SPEF2: variants seen among roughly 807,000 people sequenced by gnomAD.
SPEF2 encodes the protein sperm flagellar and cilia associated 2, also known as sperm flagella and cilia-associated protein 2.
In SPEF2, 187 loss-of-function variants were observed where a neutral mutation model predicts 224.6. That is an observed-to-expected ratio of 0.83 (90% CI 0.74 to 0.94). SPEF2 has a LOEUF of 0.94. Ranked by LOEUF, SPEF2 falls within the 40% of genes least tolerant of loss-of-function variation. The pLI, the probability that SPEF2 is intolerant of heterozygous loss-of-function variation, is 0.00. For missense variants in SPEF2, 2,170 were observed against 2,135.6 expected (o/e 1.02, Z -0.32); for synonymous variants, 715 against 707.3 (o/e 1.01, Z -0.17).
intron 5 of SPEF2, among the ~76,000 whole-genome samples, chr5:35,648,604 G>A (rs1166138836): frequency 6.6e-6 from 1 of 152,072 alleles, no homozygotes; most frequent in African/African-American, 2.4e-5. Context: ...GGGATTACAG[G>A]TGTGAGCCAC....
intron 20 of SPEF2, among the ~76,000 whole-genome samples, chr5:35,714,314 C>T (rs1561248511): frequency 6.6e-6 from 1 of 151,408 alleles, no homozygotes; most frequent in Non-Finnish European, 1.5e-5. Context: ...TTCCCCACCC[C>T]CAACCCCACT....
chr5:35,760,911 ATAAAG>A (rs796989748), intron 25 of SPEF2, among the ~76,000 whole-genome samples: 2 of 152,224 alleles, frequency 1.3e-5, no homozygotes, highest in Non-Finnish European at 2.9e-5. Flanking sequence ...TTTGAACTAA[ATAAAG>A]TATAGTGAAG....
chr5:35,666,886 T>A (rs1436282779), intron 8 of SPEF2, among the ~76,000 whole-genome samples, 186 bp from the exon 9 acceptor site: 1 of 152,224 alleles, frequency 6.6e-6, no homozygotes, highest in African/African-American at 2.4e-5. Flanking sequence ...GAGTAGGATA[T>A]TTCCAATATT....
At chr5:35,811,894 C>T (rs1397847075) in intron 36 of SPEF2, among the ~76,000 whole-genome samples, 1 of 151,230 alleles carries the variant, frequency 6.6e-6, no homozygotes, top group East Asian at 1.9e-4. Context: ...ACGCCATTCT[C>T]CTGCCTCAGC....
intron 6 of SPEF2, among the ~76,000 whole-genome samples, chr5:35,649,748 C>T (rs916452411): frequency 4.6e-5 from 7 of 152,196 alleles, no homozygotes; most frequent in Non-Finnish European, 1.0e-4. Context: ...AAATTTGTCA[C>T]AGTAAATCCT....
intron 26 of SPEF2, among the ~76,000 whole-genome samples, chr5:35,770,614 G>A (rs1460447258): frequency 1.3e-5 from 2 of 151,834 alleles, no homozygotes; most frequent in African/African-American, 4.9e-5. Flanking sequence ...TGCAGTATTT[G>A]CCTTTCTGTG....
At chr5:35,807,817 G>A in intron 36 of SPEF2, 1 of 1,532,848 alleles carries the variant, frequency 6.5e-7, no homozygotes, top group Non-Finnish European at 8.7e-7. Flanking sequence ...AAGCAGGTCT[G>A]GACCACACAT....
At chr5:35,659,267 C>A in intron 8 of SPEF2, 60 bp downstream of exon 8, 2 of 1,464,430 alleles carry the variant, frequency 1.4e-6, no homozygotes, top group South Asian at 2.8e-5. Flanking sequence ...TCTACCAAGT[C>A]GTGGTAAACA....
intron 33 of SPEF2, among the ~76,000 whole-genome samples, chr5:35,799,250 T>C (rs555347218): frequency 6.6e-6 from 1 of 152,230 alleles, no homozygotes; most frequent in East Asian, 1.9e-4. Flanking sequence ...ACAGGGCTGC[T>C]TATGTGCCTG....
chr5:35,780,490 C>T (rs930381340), intron 30 of SPEF2, among the ~76,000 whole-genome samples: 34 of 152,164 alleles, frequency 2.2e-4, no homozygotes, highest in African/African-American at 7.9e-4. Flanking sequence ...ACGGAGGTGC[C>T]ATTTGGCAGC....
intron 34 of SPEF2, among the ~76,000 whole-genome samples, chr5:35,800,504 G>A (rs1410502364): frequency 6.6e-6 from 1 of 152,176 alleles, no homozygotes; most frequent in Admixed American, 6.5e-5. Context: ...AACTGTAGAT[G>A]AAACAAGTTC....
chr5:35,634,984 C>T (rs1442380032), intron 2 of SPEF2, among the ~76,000 whole-genome samples: 1 of 151,944 alleles, frequency 6.6e-6, no homozygotes, highest in African/African-American at 2.4e-5. Context: ...CTCACACAGA[C>T]TTTTCTTATT....
chr5:35,681,618 G>T (rs1486068936), intron 10 of SPEF2, among the ~76,000 whole-genome samples: 3 of 152,028 alleles, frequency 2.0e-5, no homozygotes, highest in African/African-American at 7.2e-5. Context: ...TTTTAAAAAA[G>T]GACAAAATAA....
At chr5:35,718,164 T>TA (rs1348533788) in intron 20 of SPEF2, among the ~76,000 whole-genome samples, 2 of 152,160 alleles carry the variant, frequency 1.3e-5, no homozygotes, top group African/African-American at 2.4e-5. Flanking sequence ...CCCAACTGGT[T>TA]AAAAAAACTC....
At chr5:35,698,503 T>C (rs959942970) in intron 15 of SPEF2, 1 of 152,202 alleles carries the variant, frequency 6.6e-6, no homozygotes, top group Non-Finnish European at 1.5e-5. Flanking sequence ...ATGGGATTCT[T>C]TGCTTCTGCT....
At chr5:35,799,107 C>G (rs1183899628) in intron 33 of SPEF2, among the ~76,000 whole-genome samples, 1 of 152,190 alleles carries the variant, frequency 6.6e-6, no homozygotes, top group Non-Finnish European at 1.5e-5. Context: ...TTAAAAGTAC[C>G]TGGAACCTTG....
chr5:35,708,998 C>T lies in SPEF2; in HGVS notation c.2716C>T (p.Leu906=). ...KEAEKKAAAS[L]AELPLPTPPP... ...AGCTGAGAAAAAAGCAGCAGCTTCC[C>T]TGGCTGAGCTTCCACTTCCTACACC... Residue 906 remains leucine, a synonymous_variant, in exon 19 of 37, where the codon CTG becomes TTG. Transcript: ENST00000356031. The T allele has an allele frequency of 6.2e-7, 1 of 1,613,416 alleles. No homozygotes were observed. Among genetic ancestry groups the T allele is most frequent in the South Asian group, 1.1e-5 (1 of 90,840 alleles).
At chr5:35,685,007 G>A (rs1010154821) in intron 10 of SPEF2, among the ~76,000 whole-genome samples, 1 of 152,126 alleles carries the variant, frequency 6.6e-6, no homozygotes, top group Non-Finnish European at 1.5e-5. Context: ...ATGAATGAAA[G>A]CAGAAGCAAG....
At chr5:35,630,882 T>C (rs1745008722) in intron 2 of SPEF2, among the ~76,000 whole-genome samples, 1 of 152,174 alleles carries the variant, frequency 6.6e-6, no homozygotes, top group Non-Finnish European at 1.5e-5. Flanking sequence ...TTAGAATATA[T>C]AAGTAACACT....
Sources: gnomAD v4.1 joint callset for allele counts (sites outside exome capture counted in the v4.1 genomes callset) on GRCh38, gnomAD v4.1.1 for gene constraint, MANE v1.5 for transcripts, NCBI Gene and HGNC (gene_info 2026-07-23, HGNC 2026-07-21) for gene names.